The following PARP8 variants were observed in gnomAD, a reference collection of about 807,000 sequenced individuals.
The protein encoded by PARP8 is protein mono-ADP-ribosyltransferase PARP8.
PARP8 carries 51 observed loss-of-function variants against 124.1 expected under a neutral mutation model. The ratio of observed to expected loss-of-function variants is 0.41; its 90% CI spans 0.33 to 0.52. The LOEUF (loss-of-function observed/expected upper bound fraction) is 0.52. PARP8 is among the 20% of genes least tolerant of loss of function. PARP8 has a pLI of 0.21. For synonymous variants in PARP8, 391 were observed against 361.5 expected, an observed-to-expected ratio of 1.08 and a Z score of -0.93; for missense variants, 860 against 1,018.9, an observed-to-expected ratio of 0.84 and a Z score of 2.12.
intron 7 of PARP8, among the ~76,000 whole-genome samples, chr5:50,768,634 G>A (rs768876752): frequency 1.3e-5 from 2 of 152,034 alleles, no homozygotes; most frequent in Non-Finnish European, 2.9e-5. Context: ...ATTATATACC[G>A]AATACTGCAT....
intron 3 of PARP8, among the ~76,000 whole-genome samples, chr5:50,751,201 T>C (rs996793913): frequency 6.6e-6 from 1 of 152,116 alleles, no homozygotes; most frequent in Non-Finnish European, 1.5e-5. Flanking sequence ...AGAAGATGCC[T>C]TTAGTAAACC....
intron 7 of PARP8, among the ~76,000 whole-genome samples, chr5:50,767,270 A>G (rs562784759): frequency 4.6e-5 from 7 of 152,320 alleles, no homozygotes; most frequent in Non-Finnish European, 8.8e-5. Context: ...CTCAGCCTAC[A>G]TAGATGTATA....
intron 9 of PARP8, among the ~76,000 whole-genome samples, chr5:50,784,752 T>C (rs1741056935): frequency 6.6e-6 from 1 of 152,144 alleles, no homozygotes; most frequent in Non-Finnish European, 1.5e-5. Flanking sequence ...AGTACAGTTC[T>C]GGGGATTTTT....
intron 7 of PARP8, among the ~76,000 whole-genome samples, chr5:50,776,149 C>T (rs1319257079): frequency 6.6e-6 from 1 of 152,144 alleles, no homozygotes; most frequent in African/African-American, 2.4e-5. Flanking sequence ...AAGATCATAA[C>T]ATTTTCTTCA....
intron 2 of PARP8, among the ~76,000 whole-genome samples, chr5:50,688,430 C>T (rs1459238339): frequency 6.6e-6 from 1 of 152,172 alleles, no homozygotes; most frequent in East Asian, 1.9e-4. Flanking sequence ...GAAGAAACTT[C>T]ACAAGAGATA....
At chr5:50,727,993 A>G (rs1756602276) in intron 2 of PARP8, among the ~76,000 whole-genome samples, 1 of 152,148 alleles carries the variant, frequency 6.6e-6, no homozygotes, top group South Asian at 2.1e-4. Context: ...GTTGGCACAG[A>G]GTGGGTCTTC....
intron 2 of PARP8, chr5:50,744,886 A>G: frequency 1.5e-6 from 1 of 661,364 alleles, no homozygotes; most frequent in Non-Finnish European, 2.7e-6. Flanking sequence ...TGCCTGCTAC[A>G]TGGCATTTAT....
At chr5:50,771,438 C>T (rs1201316990) in intron 7 of PARP8, among the ~76,000 whole-genome samples, 1 of 152,186 alleles carries the variant, frequency 6.6e-6, no homozygotes, top group Non-Finnish European at 1.5e-5. Flanking sequence ...GGATTACAGG[C>T]GTGAGCCACT....
At chr5:50,693,915 A>G (rs1459306327) in intron 2 of PARP8, among the ~76,000 whole-genome samples, 1 of 151,904 alleles carries the variant, frequency 6.6e-6, no homozygotes, top group Non-Finnish European at 1.5e-5. Flanking sequence ...TTTTTTCTGT[A>G]CACACACAAA....
intron 3 of PARP8, among the ~76,000 whole-genome samples, chr5:50,756,568 C>CT (rs1404574003): frequency 4.6e-5 from 7 of 151,982 alleles, no homozygotes; most frequent in Non-Finnish European, 8.8e-5. Context: ...AAAACTGTGG[C>CT]TTAGGCTAAA....
intron 25 of PARP8, among the ~76,000 whole-genome samples, chr5:50,841,637 T>TA (rs1748191963): frequency 6.6e-6 from 1 of 151,796 alleles, no homozygotes; most frequent in South Asian, 2.1e-4. Flanking sequence ...TTGAAGCTGT[T>TA]ATATTTTTTT....
rs1288441475 is a variant in PARP8, at chr5:50,842,825, T to C, written c.*757T>C. On this transcript the variant is annotated 3_prime_UTR_variant, in exon 26 of 26. Coordinates refer to ENST00000281631, the MANE Select transcript of PARP8 (RefSeq NM_024615.4). ...TACCACCATTCATTCACTGAAAATATTTGCAGACAATTTTTCTGTTTGTCT... is the reference window on the plus strand; with the variant it reads ...TACCACCATTCATTCACTGAAAATACTTGCAGACAATTTTTCTGTTTGTCT... The C allele has an allele frequency of 6.6e-6, 1 of 151,718 alleles. No homozygotes were observed. The highest frequency in any genetic ancestry group is 1.9e-4 in the East Asian group (1 of 5,170). 9.4% of individuals were successfully genotyped at this position (151,718 alleles called of 1,614,324 possible).
At chr5:50,797,344 T>A in intron 14 of PARP8, 111 bp downstream of exon 14, 1 of 709,462 alleles carries the variant, frequency 1.4e-6, no homozygotes, top group East Asian at 2.9e-5. Flanking sequence ...ATACTCTTTA[T>A]TGAGCAAATT....
chr5:50,797,517 G>C lies in PARP8; in HGVS notation c.1575+284G>C, dbSNP rs1419553613. Reference sequence around the variant, plus strand: ...ATATCAACGTTAAGCATCTTAAATTGTGGAATTTTGAAGAACCAGTGTTTA... The same window carrying C: ...ATATCAACGTTAAGCATCTTAAATTCTGGAATTTTGAAGAACCAGTGTTTA... On this transcript the variant is annotated intron_variant, in intron 14 of 25. Coordinates refer to ENST00000281631, the MANE Select transcript of PARP8 (RefSeq NM_024615.4). 2.0e-5 allele frequency among the ~76,000 whole-genome samples: 3 copies of C among 152,138 alleles called. No homozygotes were observed. In the East Asian group the frequency reaches 5.8e-4, roughly 29 times the overall value.
chr5:50,757,020 C>T, intron 3 of PARP8: 2 of 313,862 alleles, frequency 6.4e-6, no homozygotes, highest in South Asian at 2.6e-5. Context: ...TTTTCAGTTG[C>T]TGAATGTAGT....
chr5:50,794,051 A>C (rs1242605870), intron 10 of PARP8, among the ~76,000 whole-genome samples, 156 bp from the exon 11 acceptor site: 1 of 152,158 alleles, frequency 6.6e-6, no homozygotes, highest in Non-Finnish European at 1.5e-5. Context: ...ATGCTTTCCT[A>C]CATATGAAAA....
intron 3 of PARP8, among the ~76,000 whole-genome samples, chr5:50,758,483 T>C (rs904336341): frequency 3.3e-5 from 5 of 152,180 alleles, no homozygotes; most frequent in Admixed American, 1.3e-4. Flanking sequence ...TTGGAAATAA[T>C]GACTTAGAGA....
At position 50,795,290 on chromosome 5, in the gene PARP8, C is replaced by G; in HGVS notation, c.1301C>G (p.Ser434Cys). Residue 434 changes from serine to cysteine, a missense_variant, in exon 12 of 26, where the codon TCC (serine) becomes TGC (cysteine). By Grantham distance (112) the Ser-to-Cys change is moderately radical. Transcript: ENST00000281631. ...CACAAATTGCTCAGCAAGTCCTACTCCAGTGCCCCCAAGTCATCCAAAACT... is the reference window on the plus strand; with the variant it reads ...CACAAATTGCTCAGCAAGTCCTACTGCAGTGCCCCCAAGTCATCCAAAACT... ...KNHKLLSKSY[S>C]SAPKSSKTEL... 6.2e-7 allele frequency: 1 copy of G among 1,614,120 alleles called. No homozygotes were observed. The highest frequency in any genetic ancestry group is 8.5e-7 in the Non-Finnish European group (1 of 1,180,000).
chr5:50,835,139 T>G (rs930415566), intron 25 of PARP8, 124 bp downstream of exon 25: 1 of 695,346 alleles, frequency 1.4e-6, no homozygotes, highest in East Asian at 2.8e-5. Flanking sequence ...TAACATCAAC[T>G]AATGTTTTTG....
Sources: allele counts gnomAD v4.1 joint callset (sites outside exome capture counted in the v4.1 genomes callset), GRCh38; gene constraint gnomAD v4.1.1; transcripts MANE v1.5; gene names NCBI Gene and HGNC (gene_info 2026-07-23, HGNC 2026-07-21).